FHIT: variants seen among roughly 807,000 people sequenced by gnomAD.
FHIT encodes the protein fragile histidine triad diadenosine triphosphatase.
In FHIT, 19 loss-of-function variants were observed where a neutral mutation model predicts 17.9. That is an observed-to-expected ratio of 1.06 (90% CI 0.74 to 1.56). The LOEUF is 1.56. Among genes scored for constraint, FHIT ranks in the 40% most tolerant of loss-of-function variants. The pLI is 0.00. For missense variants in FHIT, 248 were observed against 189.2 expected (o/e 1.31, Z -1.82); for synonymous variants, 81 against 69.7 (o/e 1.16, Z -0.81).
intron 3 of FHIT, among the ~76,000 whole-genome samples, chr3:61,040,975 C>G (rs2033480705): frequency 6.6e-6 from 1 of 152,144 alleles, no homozygotes; most frequent in African/African-American, 2.4e-5. Context: ...TTCCCTGCCT[C>G]CCCTTCCTCC....
chr3:60,439,264 T>C (rs2030574910), intron 5 of FHIT, among the ~76,000 whole-genome samples: 1 of 152,114 alleles, frequency 6.6e-6, no homozygotes, highest in Non-Finnish European at 1.5e-5. Flanking sequence ...GAACCAAGAA[T>C]TACCAAACAG....
chr3:60,803,236 C>T (rs1312651261), intron 4 of FHIT, among the ~76,000 whole-genome samples: 11 of 152,152 alleles, frequency 7.2e-5, no homozygotes, highest in African/African-American at 2.4e-4. Flanking sequence ...GTGACCAGGG[C>T]CTGGTGTGTG....
chr3:61,084,617 GT>G (rs2035249165), intron 2 of FHIT, among the ~76,000 whole-genome samples: 1 of 152,046 alleles, frequency 6.6e-6, no homozygotes, highest in South Asian at 2.1e-4. Flanking sequence ...ATATTCCTAT[GT>G]TTTTAATATT....
chr3:61,024,637 T>C (rs1376822787), intron 3 of FHIT, among the ~76,000 whole-genome samples: 1 of 152,166 alleles, frequency 6.6e-6, no homozygotes, highest in Non-Finnish European at 1.5e-5. Flanking sequence ...TATATAAAGA[T>C]GGAATAGTCT....
chr3:60,431,138 G>A (rs1203726204), intron 5 of FHIT, among the ~76,000 whole-genome samples: 3 of 151,720 alleles, frequency 2.0e-5, no homozygotes, highest in African/African-American at 7.3e-5. Flanking sequence ...TTGAACTCTG[G>A]AGGCAGAGGC....
At chr3:60,533,345 G>A (rs1477851737) in intron 5 of FHIT, among the ~76,000 whole-genome samples, 1 of 152,174 alleles carries the variant, frequency 6.6e-6, no homozygotes, top group Non-Finnish European at 1.5e-5. Context: ...GATGTTTCCA[G>A]CTTCACTTTA....
At chr3:60,191,091 T>A (rs150591015) in intron 5 of FHIT, among the ~76,000 whole-genome samples, 3 of 152,088 alleles carry the variant, frequency 2.0e-5, no homozygotes, top group African/African-American at 7.2e-5. Flanking sequence ...TGAGGCAGTA[T>A]CCCACAATTA....
chr3:61,021,489 C>T (rs1156829183), intron 3 of FHIT, among the ~76,000 whole-genome samples: 1 of 140,894 alleles, frequency 7.1e-6, no homozygotes, highest in Non-Finnish European at 1.5e-5. Flanking sequence ...GTCCCAGCTA[C>T]TTGGGAGGCT....
At chr3:60,035,995 G>C (rs1312095250) in intron 5 of FHIT, among the ~76,000 whole-genome samples, 1 of 152,172 alleles carries the variant, frequency 6.6e-6, no homozygotes, top group African/African-American at 2.4e-5. Context: ...CTGATATCCA[G>C]GCTAAGAGAG....
intron 8 of FHIT, among the ~76,000 whole-genome samples, chr3:59,775,560 A>G (rs947740093): frequency 1.3e-5 from 2 of 152,146 alleles, no homozygotes; most frequent in Admixed American, 1.3e-4. Flanking sequence ...ATTATAAACC[A>G]ATTAAAATTC....
intron 8 of FHIT, among the ~76,000 whole-genome samples, chr3:59,910,230 G>T (rs1338516427): frequency 6.6e-6 from 1 of 152,182 alleles, no homozygotes; most frequent in Non-Finnish European, 1.5e-5. Flanking sequence ...TTGAAGCAAA[G>T]GCAAGAAGAC....
At chr3:60,844,923 C>T (rs1266401702) in intron 3 of FHIT, among the ~76,000 whole-genome samples, 1 of 152,078 alleles carries the variant, frequency 6.6e-6, no homozygotes, top group Non-Finnish European at 1.5e-5. Flanking sequence ...CATATTTATT[C>T]ACTAACTATG....
At chr3:60,381,230 CACT>C (rs1294728321) in intron 5 of FHIT, among the ~76,000 whole-genome samples, 4 of 152,242 alleles carry the variant, frequency 2.6e-5, no homozygotes, top group African/African-American at 9.6e-5. Context: ...GTAATCCCAG[CACT>C]TTGGGAGGCT....
chr3:60,789,173 T>TAGAG (rs1443026766), intron 4 of FHIT, among the ~76,000 whole-genome samples: 2,221 of 98,608 alleles, frequency 0.023, 23 homozygotes, highest in Non-Finnish European at 0.032. Flanking sequence ...TATATATATA[T>TAGAG]ATAGAGAGAG....
chr3:60,240,827 G>A (rs1022652112), intron 5 of FHIT, among the ~76,000 whole-genome samples: 1 of 152,076 alleles, frequency 6.6e-6, no homozygotes, highest in African/African-American at 2.4e-5. Context: ...GCAACCCTCA[G>A]ATCCAAGAGC....
At chr3:60,334,075 C>T (rs1225192160) in intron 5 of FHIT, among the ~76,000 whole-genome samples, 1 of 152,188 alleles carries the variant, frequency 6.6e-6, no homozygotes, top group African/African-American at 2.4e-5. Flanking sequence ...AAGCCTTCTT[C>T]CTTGGCAATA....
At chr3:60,868,696 C>T (rs1393651364) in intron 3 of FHIT, among the ~76,000 whole-genome samples, 1 of 152,116 alleles carries the variant, frequency 6.6e-6, no homozygotes, top group African/African-American at 2.4e-5. Context: ...TTTAGCTAAA[C>T]TGTTTCATAC....
At chr3:60,283,597 T>C (rs914019939) in intron 5 of FHIT, among the ~76,000 whole-genome samples, 3 of 152,108 alleles carry the variant, frequency 2.0e-5, no homozygotes, top group East Asian at 3.9e-4. Context: ...AGAAGCAGCC[T>C]AGATTTTTTA....
chr3:61,071,467 C>T (rs2034804592), intron 2 of FHIT, among the ~76,000 whole-genome samples: 1 of 152,138 alleles, frequency 6.6e-6, no homozygotes, highest in African/African-American at 2.4e-5. Context: ...TGCTCATTTA[C>T]AGTGTTACTT....
Sources: allele counts gnomAD v4.1 joint callset (sites outside exome capture counted in the v4.1 genomes callset), GRCh38; gene constraint gnomAD v4.1.1; transcripts MANE v1.5; gene names NCBI Gene and HGNC (gene_info 2026-07-23, HGNC 2026-07-21).